IL31RA: variants seen among roughly 807,000 people sequenced by gnomAD.
IL31RA encodes interleukin 31 receptor A.
Under a neutral mutation model 83.7 loss-of-function variants are expected in IL31RA, and 66 were observed. That is an observed-to-expected ratio of 0.79 (90% CI 0.65 to 0.97). The LOEUF is 0.97. IL31RA is among the 50% of genes least tolerant of loss of function. The pLI, the probability that IL31RA is intolerant of heterozygous loss-of-function variation, is 0.00. For synonymous variants in IL31RA, 325 were observed against 329.0 expected, an observed-to-expected ratio of 0.99 and a Z score of 0.13; for missense variants, 798 against 919.4, an observed-to-expected ratio of 0.87 and a Z score of 1.71.
Position 55,908,365 on chromosome 5 carries a change from C to T in IL31RA, c.1455C>T (p.Ile485=). ...CCAAGAGTGAGAGAAAGGGTATCAT[C>T]TGCAACTACACCATCTTTTACCAAG... is the stretch of plus-strand genomic sequence containing the variant. ...EIPKSERKGI[I]CNYTIFYQAE... The change falls in exon 11 of 15, where the codon ATC becomes ATT. Residue 485 remains isoleucine (I), a synonymous_variant. Transcript: ENST00000652347. 6.2e-7 allele frequency: 1 copy of T among 1,614,194 alleles called. No individual in the cohort carries two copies. The highest frequency in any genetic ancestry group is 1.6e-4 in the Middle Eastern group (1 of 6,062).
Position 55,916,864 on chromosome 5 carries a change from G to A in IL31RA, c.2039G>A (p.Cys680Tyr). Residue 680 changes from cysteine (C) to tyrosine (Y), a missense_variant, in exon 15 of 15, where the codon TGT (cysteine) becomes TAT (tyrosine). By Grantham distance (194) the Cys-to-Tyr change is radical. Coordinates refer to ENST00000652347, the MANE Select transcript of IL31RA (RefSeq NM_139017.7). ...GTGACCTGCCCCTTCAGGCCTGATT[G>A]TCCCCTGGGGAAAAGTTTTGAGGAG... ...GYVTCPFRPDCPLGKSFEELP... is the reference protein window; with the variant it reads ...GYVTCPFRPDYPLGKSFEELP... 6.2e-7 allele frequency: 1 copy of A among 1,614,198 alleles called. No individual in the cohort carries two copies. Among genetic ancestry groups the A allele is most frequent in the Non-Finnish European group, 8.5e-7 (1 of 1,180,032 alleles).
rs1235035306 is a variant in IL31RA, at chr5:55,921,705, T to C, written c.*4585T>C. ...ATCGGGAATAGTTAATGAAACTTTA[T>C]AGTTATTTGTGTTGCTTTAATCCTT... On this transcript the variant is annotated 3_prime_UTR_variant, in exon 15 of 15. Coordinates refer to ENST00000652347, the MANE Select transcript of IL31RA (RefSeq NM_139017.7). Among the ~76,000 whole-genome samples the C allele has an allele frequency of 1.3e-5, 2 of 152,216 alleles. No homozygotes were observed. The highest frequency in any genetic ancestry group is 2.9e-5 in the Non-Finnish European group (2 of 68,038).
chr5:55,891,761 A>ATTTTTTTTTTTTTTTTTTTTTTT (rs35672011), intron 6 of IL31RA, among the ~76,000 whole-genome samples: 1 of 60,030 alleles, frequency 1.7e-5, no homozygotes, highest in Non-Finnish European at 2.9e-5. Flanking sequence ...TTTGGACAAG[A>ATTTTTTTTTTTTTTTTTTTTTTT]TTTTTTTTTT....
chr5:55,912,549 C>A (rs1197029345), intron 12 of IL31RA, among the ~76,000 whole-genome samples: 1 of 152,226 alleles, frequency 6.6e-6, no homozygotes, highest in Admixed American at 6.5e-5. Context: ...GTAACTCCAG[C>A]ACTTTGGGAG....
At chr5:55,841,408 G>A in the IL31RA span, among the ~76,000 whole-genome samples, 2 of 152,120 alleles carry the variant, frequency 1.3e-5, no homozygotes, top group African/African-American at 4.8e-5. Context: ...TTGGTTGCAA[G>A]GAACAAAAAC....
chr5:55,907,371 CT>C lies in IL31RA; in HGVS notation c.1268del (p.Phe423SerfsTer44), dbSNP rs781434323. ...TTCTTTTTCACAGATAAATTAAAAC[CT>C]TTCTGGTGCTATAACATCTCTGTGT... ...NWTIQQDKLK[P>X]FWCYNISVYP... On this transcript the variant is annotated frameshift_variant, in exon 10 of 15. Transcript: ENST00000652347. LOFTEE classifies it high-confidence loss of function. 5 of 1,611,374 alleles carry C rather than the reference CT, an allele frequency of 3.1e-6. No homozygotes were observed. Among genetic ancestry groups the C allele is most frequent in the Non-Finnish European group, 4.2e-6 (5 of 1,177,604 alleles).
At chr5:55,914,506 TTG>T (rs1465638837) in intron 13 of IL31RA, among the ~76,000 whole-genome samples, 2 of 152,228 alleles carry the variant, frequency 1.3e-5, no homozygotes, top group African/African-American at 4.8e-5. Flanking sequence ...TTATAAAATG[TTG>T]TCTTTCCCAG....
upstream of IL31RA, chr5:55,851,283 C>T (rs981832938): frequency 4.7e-5 from 23 of 491,718 alleles, no homozygotes; most frequent in East Asian, 6.2e-4. Flanking sequence ...CAACATTGAA[C>T]TCATGGCTAA....
chr5:55,910,605 G>A lies in IL31RA; in HGVS notation c.1575G>A (p.Gln525=), dbSNP rs768822439. The change falls in exon 12 of 15, where the codon CAG becomes CAA. Residue 525 remains glutamine (Q), a synonymous_variant. Transcript: ENST00000652347. ...SLKRKTSYIV[Q]VMASTSAGGT... ...AACGAAAGACCTCTTACATTGTTCA[G>A]GTCATGGCCAGCACCAGTGCTGGGG... 1 of 1,614,144 alleles carries A rather than the reference G, an allele frequency of 6.2e-7. No homozygotes were observed. The highest frequency in any genetic ancestry group is 8.5e-7 in the Non-Finnish European group (1 of 1,180,000).
chr5:55,860,896 G>C (rs1745636118), intron 2 of IL31RA, among the ~76,000 whole-genome samples: 1 of 152,116 alleles, frequency 6.6e-6, no homozygotes, highest in Non-Finnish European at 1.5e-5. Context: ...CCAGTGTCAA[G>C]GTGGCAGCAG....
At chr5:55,891,799 G>A (rs1239905069) in intron 6 of IL31RA, among the ~76,000 whole-genome samples, 4 of 43,312 alleles carry the variant, frequency 9.2e-5, no homozygotes, top group Non-Finnish European at 1.4e-4. Context: ...TTTTTGAGAT[G>A]GAGTCTCGCT....
intron 2 of IL31RA, among the ~76,000 whole-genome samples, chr5:55,860,706 G>T (rs1464923717): frequency 1.3e-5 from 2 of 152,178 alleles, no homozygotes; most frequent in African/African-American, 4.8e-5. Flanking sequence ...AGATCCATTT[G>T]TTTGATTATA....
chr5:55,848,866 T>G (rs1466667334), upstream of IL31RA, among the ~76,000 whole-genome samples: 1 of 152,070 alleles, frequency 6.6e-6, no homozygotes, highest in Non-Finnish European at 1.5e-5. Context: ...TTTCTTATTT[T>G]CAAAACAAAC....
chr5:55,908,190 G>C, intron 10 of IL31RA, 75 bp from the exon 11 acceptor site: 1 of 1,604,588 alleles, frequency 6.2e-7, no homozygotes, highest in Non-Finnish European at 8.5e-7. Context: ...CTGAGTACTG[G>C]CCAGGGCCTT....
chr5:55,922,252 G>A lies in IL31RA; in HGVS notation c.*5132G>A, dbSNP rs895688725. 3 of 721,530 alleles carry A rather than the reference G, an allele frequency of 4.2e-6. No homozygotes were observed. 44.7% of individuals were successfully genotyped at this position (721,530 alleles called of 1,614,324 possible). A position where few individuals can be genotyped will look rare whatever the true frequency, so the allele number is the denominator to read the frequency against. ...CAGGGCTGTGCTGCCCAAGACGCTT[G>A]TCGTGTGCTGATGAAAAGGGCTGGG... On this transcript the variant is annotated 3_prime_UTR_variant, in exon 15 of 15. Coordinates refer to ENST00000652347, the MANE Select transcript of IL31RA (RefSeq NM_139017.7).
chr5:55,854,791 T>G (rs868663259), intron 1 of IL31RA, among the ~76,000 whole-genome samples: 4 of 150,356 alleles, frequency 2.7e-5, no homozygotes, highest in Non-Finnish European at 4.4e-5. Flanking sequence ...ACTATAAATA[T>G]AAAATATATA....
chr5:55,868,830 A>G lies in IL31RA; in HGVS notation c.194A>G (p.Tyr65Cys). ...AKPENISCVY[Y>C]YRKNLTCTWS... The stretch of plus-strand genomic sequence containing the variant: ...CCTGAGAACATTTCCTGTGTCTACT[A>G]CTATAGGAAAAATTTAACCTGCACT... The change falls in exon 3 of 15, where the codon TAC (tyrosine) becomes TGC (cysteine). Residue 65 changes from tyrosine (Y) to cysteine (C), a missense_variant. Transcript: ENST00000652347. 1.2e-6 allele frequency: 2 copies of G among 1,609,408 alleles called. No individual in the cohort carries two copies. Among genetic ancestry groups the G allele is most frequent in the South Asian group, 2.2e-5 (2 of 90,996 alleles).
chr5:55,866,822 C>A, intron 2 of IL31RA: 1 of 152,488 alleles, frequency 6.6e-6, no homozygotes, highest in Non-Finnish European at 1.5e-5. Context: ...CATTCCCTCC[C>A]CATCCCTGCC....
chr5:55,900,200 G>T (rs1748729697), intron 8 of IL31RA, 68 bp downstream of exon 8: 2 of 1,096,232 alleles, frequency 1.8e-6, no homozygotes, highest in Non-Finnish European at 2.8e-6. Context: ...CAGTCCCTGT[G>T]CTCTCAAGGG....
Sources: allele counts gnomAD v4.1 joint callset (sites outside exome capture counted in the v4.1 genomes callset), GRCh38; gene constraint gnomAD v4.1.1; transcripts MANE v1.5; gene names NCBI Gene and HGNC (gene_info 2026-07-23, HGNC 2026-07-21).